The following NAIP variants were observed in gnomAD, a reference collection of about 807,000 sequenced individuals.
NAIP encodes the protein NLR family apoptosis inhibitory protein, also known as baculoviral IAP repeat-containing protein 1.
NAIP carries 15 observed loss-of-function variants against 23.0 expected under a neutral mutation model. The ratio of observed to expected loss-of-function variants is 0.65; its 90% CI spans 0.44 to 1.00. The LOEUF (loss-of-function observed/expected upper bound fraction) is 1.00, where lower values mean the gene tolerates loss of function less well. Ranked by LOEUF, NAIP falls within the 50% of genes least tolerant of loss-of-function variation. The pLI is 0.00. For missense variants in NAIP, 265 were observed against 278.8 expected (o/e 0.95, Z 0.35); for synonymous variants, 100 against 100.2 (o/e 1.00, Z 0.01).
chr5:71,008,011 G>A (rs1278665396), intron 5 of NAIP, among the ~76,000 whole-genome samples: 6 of 130,212 alleles, frequency 4.6e-5, no homozygotes, highest in East Asian at 4.7e-4. Context: ...TGATTTGCCC[G>A]CCTTGGCCTC....
Position 71,012,650 on chromosome 5 carries a change from G to A in NAIP, c.266C>T (p.Thr89Ile). Reference protein sequence around the residue: ...QEMAAAGFYFTGVKSGIQCFC... With the variant: ...QEMAAAGFYFIGVKSGIQCFC... ...GCACTGAATCCCAGATTTTACCCCA[G>A]TGAAGTAAAACCCAGCGGCCGCCAT... is the stretch of plus-strand genomic sequence containing the variant. Residue 89 changes from threonine (T) to isoleucine (I), a missense_variant, in exon 4 of 17, where the codon ACT becomes ATT. Physicochemically the swap from Thr to Ile is moderately conservative, Grantham distance 89 (BLOSUM62 -1). Around this residue, in one of 2 missense-constraint regions of NAIP, gnomAD observed 261 missense variants for 259.2 expected, o/e 1.01. Coordinates refer to ENST00000517649, the MANE Select transcript of NAIP (RefSeq NM_004536.3). 1 of 1,611,970 alleles carries A rather than the reference G, an allele frequency of 6.2e-7. No individual in the cohort carries two copies. Among genetic ancestry groups the A allele is most frequent in the Non-Finnish European group, 8.5e-7 (1 of 1,178,494 alleles).
In NAIP at chr5:71,012,832, G is replaced by A. The variant is rs759745270; in HGVS notation, c.84C>T (p.Gly28=). Residue 28 remains glycine, a synonymous_variant, in exon 4 of 17, where the codon GGC becomes GGT. Transcript: ENST00000517649. ...NLLPELSALL[G]LDAVQLAKEL... The stretch of plus-strand genomic sequence containing the variant: ...CCTTTGCCAACTGAACTGCATCTAG[G>A]CCCAGAAGAGCAGACAGCTCTGGCA... The A allele has an allele frequency of 6.2e-7, 1 of 1,611,586 alleles. No individual in the cohort carries two copies. Among genetic ancestry groups the A allele is most frequent in the Non-Finnish European group, 8.5e-7 (1 of 1,178,400 alleles).
intron 3 of NAIP, among the ~76,000 whole-genome samples, chr5:71,017,673 T>C (rs1751502544): frequency 1.2e-5 from 1 of 82,692 alleles, no homozygotes; most frequent in African/African-American, 3.6e-5. Flanking sequence ...CCTGAGTAGC[T>C]GGGATTACAG....
At chr5:71,007,986 A>G (rs1391724226) in intron 5 of NAIP, among the ~76,000 whole-genome samples, 1 of 125,600 alleles carries the variant, frequency 8.0e-6, no homozygotes, top group Non-Finnish European at 1.7e-5. Flanking sequence ...ACTTGAATGA[A>G]CTCCTGGCCT....
rs1176000022 is a variant in NAIP at position 70,999,567 on chromosome 5, G to A, written c.923-744C>T. Reference sequence around the variant, plus strand: ...CAGAAAGAATATATTTAGAGCTCACGGAAAAAAAATACCAGCAAATCTAGC... The same window carrying A: ...CAGAAAGAATATATTTAGAGCTCACAGAAAAAAAATACCAGCAAATCTAGC... On this transcript the variant is annotated intron_variant, in intron 8 of 16. Coordinates refer to ENST00000517649, the MANE Select transcript of NAIP (RefSeq NM_004536.3). Among the ~76,000 whole-genome samples, 2 of 39,326 alleles carry A rather than the reference G, an allele frequency of 5.1e-5. 1 individual carries two copies. Among genetic ancestry groups the A allele is most frequent in the Non-Finnish European group, 7.8e-5 (2 of 25,598 alleles). The allele number at this position is 39,326 out of a possible 152,430, so 25.8% of individuals were successfully genotyped here.
At chr5:71,010,006 G>A (rs1333106159) in intron 5 of NAIP, among the ~76,000 whole-genome samples, 1 of 151,534 alleles carries the variant, frequency 6.6e-6, no homozygotes, top group Admixed American at 6.6e-5. Flanking sequence ...TTTTCATTTG[G>A]TATATATTTA....
At chr5:71,011,744 CAT>C in intron 4 of NAIP, 1 of 448,008 alleles carries the variant, frequency 2.2e-6, no homozygotes, top group Non-Finnish European at 4.3e-6. Context: ...TCGGTAGAAA[CAT>C]AGGCATGTTT....
At position 70,969,704 on chromosome 5, in the gene NAIP, CG is replaced by C. The variant is rs1750087585; in HGVS notation, c.*399del. 7.0e-6 allele frequency: 1 copy of C among 143,382 alleles called. No individual in the cohort carries two copies. Among genetic ancestry groups the C allele is most frequent in the Admixed American group, 6.8e-5 (1 of 14,660 alleles). 8.9% of individuals were successfully genotyped at this position (143,382 alleles called of 1,614,324 possible). On this transcript the variant is annotated 3_prime_UTR_variant, in exon 17 of 17. Transcript: ENST00000517649. ...CATCCATGTATGAAAGTGATTCAAC[CG>C]TTAAGTTAGCCATTTATTATATAAA...
In NAIP at chr5:71,012,631, A is replaced by G. The variant is rs758157516; in HGVS notation, c.285T>C (p.Ile95=). The G allele has an allele frequency of 6.2e-7, 1 of 1,612,008 alleles. No homozygotes were observed. Among genetic ancestry groups the G allele is most frequent in the Non-Finnish European group, 8.5e-7 (1 of 1,178,500 alleles). ...GGATTAGGCTACAGCAGAAGCACTG[A>G]ATCCCAGATTTTACCCCAGTGAAGT... The part of the protein sequence containing the change: ...GFYFTGVKSG[I]QCFCCSLILF... The change falls in exon 4 of 17, where the codon ATT becomes ATC. Residue 95 remains isoleucine (I), a synonymous_variant. Coordinates refer to ENST00000517649, the MANE Select transcript of NAIP (RefSeq NM_004536.3).
Position 71,014,520 on chromosome 5 carries a change from T to G in NAIP, c.-3-1602A>C, listed in dbSNP as rs191214650. ...TTTTAGCCAGTTAATCATCCCTCCC[T>G]GGTGGTTATATGATTAACAAGCACT... is the stretch of plus-strand genomic sequence containing the variant. On this transcript the variant is annotated intron_variant, in intron 3 of 16. Coordinates refer to ENST00000517649, the MANE Select transcript of NAIP (RefSeq NM_004536.3). Among the ~76,000 whole-genome samples, 521 of 151,770 alleles carry G rather than the reference T, an allele frequency of 3.4e-3. 6 individuals carry two copies. The highest frequency in any genetic ancestry group is 0.012 in the African/African-American group (506 of 41,432).
intron 5 of NAIP, among the ~76,000 whole-genome samples, chr5:71,010,418 G>A (rs1017537446): frequency 1.6e-4 from 25 of 151,648 alleles, no homozygotes; most frequent in African/African-American, 5.6e-4. Flanking sequence ...ACAGGCACCC[G>A]CCACCGTTCC....
intron 5 of NAIP, among the ~76,000 whole-genome samples, chr5:71,008,725 A>C (rs1175144897): frequency 1.3e-5 from 1 of 76,012 alleles, no homozygotes; most frequent in South Asian, 5.2e-4. Flanking sequence ...AATCGCTTGA[A>C]CCCAGGAGGC....
In NAIP at chr5:71,015,275, G is replaced by A. The variant is rs560413930; in HGVS notation, c.-3-2357C>T. On this transcript the variant is annotated intron_variant, in intron 3 of 16. Coordinates refer to ENST00000517649, the MANE Select transcript of NAIP (RefSeq NM_004536.3). ...ATGCCTGTAGTCCCAGCTACTCGGG[G>A]AGCAGAGGCAGAAGGATCACTTGAG... Among the ~76,000 whole-genome samples, 19 of 151,054 alleles carry A rather than the reference G, an allele frequency of 1.3e-4. 2 individuals carry two copies. The highest frequency in any genetic ancestry group is 4.6e-4 in the African/African-American group (19 of 41,226).
Position 71,013,404 on chromosome 5 carries a change from C to T in NAIP, c.-3-486G>A, listed in dbSNP as rs185383917. Among the ~76,000 whole-genome samples, 566 of 150,024 alleles carry T rather than the reference C, an allele frequency of 3.8e-3. 5 individuals carry two copies. The highest frequency in any genetic ancestry group is 0.013 in the African/African-American group (542 of 40,878). On this transcript the variant is annotated intron_variant, in intron 3 of 16. Transcript: ENST00000517649. The stretch of plus-strand genomic sequence containing the variant: ...CTGTAATCCCAGCACTTTGGGAGGC[C>T]GAGGCAGGTGGATCACGAGGTCAGG...
chr5:71,013,496 C>T lies in NAIP; in HGVS notation c.-3-578G>A, dbSNP rs543759325. Among the ~76,000 whole-genome samples the T allele has an allele frequency of 5.3e-5, 8 of 150,698 alleles. No homozygotes were observed. In the South Asian group the frequency reaches 1.3e-3, roughly 24 times the overall value. Reference sequence around the variant, plus strand: ...TACTAAAACTACAAAAAAAATTAGCCGGGCGTGGTGGCGGGCGCCTGTAGT... The same window carrying T: ...TACTAAAACTACAAAAAAAATTAGCTGGGCGTGGTGGCGGGCGCCTGTAGT... On this transcript the variant is annotated intron_variant, in intron 3 of 16. Coordinates refer to ENST00000517649, the MANE Select transcript of NAIP (RefSeq NM_004536.3).
At chr5:71,011,822 A>G (rs1376519260) in intron 4 of NAIP, 4 of 422,226 alleles carry the variant, frequency 9.5e-6, no homozygotes, top group South Asian at 1.8e-5. Flanking sequence ...AATTCATTGG[A>G]TAAGAATTAG....
chr5:71,015,862 CA>C (rs1449429083), intron 3 of NAIP, among the ~76,000 whole-genome samples: 5 of 127,604 alleles, frequency 3.9e-5, no homozygotes, highest in Admixed American at 8.1e-5. Flanking sequence ...TGCTTGAACC[CA>C]CGAGGCAGAG....
chr5:71,008,880 T>A (rs1751011630), intron 5 of NAIP, among the ~76,000 whole-genome samples: 1 of 132,848 alleles, frequency 7.5e-6, no homozygotes, highest in Non-Finnish European at 1.5e-5. Context: ...AGTGTCAGGT[T>A]CCTGGAAATG....
chr5:71,008,124 C>T (rs1750957734), intron 5 of NAIP, among the ~76,000 whole-genome samples: 1 of 135,846 alleles, frequency 7.4e-6, no homozygotes, highest in Non-Finnish European at 1.6e-5. Flanking sequence ...GGCTGGAGTG[C>T]AGTGGTGCGA....
Sources: gnomAD v4.1 joint callset for allele counts (sites outside exome capture counted in the v4.1 genomes callset) on GRCh38, gnomAD v4.1.1 for gene constraint, gnomAD v4.1.1 regional missense constraint, MANE v1.5 for transcripts, NCBI Gene and HGNC (gene_info 2026-07-23, HGNC 2026-07-21) for gene names.